C6orf118: variants seen among roughly 807,000 people sequenced by gnomAD.
C6orf118 encodes the protein chromosome 6 open reading frame 118.
C6orf118 carries 50 observed loss-of-function variants against 50.2 expected under a neutral mutation model. The ratio of observed to expected loss-of-function variants is 1.00; its 90% CI spans 0.79 to 1.26. The LOEUF (loss-of-function observed/expected upper bound fraction) is 1.26, where lower values mean the gene tolerates loss of function less well. C6orf118 is among the 50% of genes most tolerant of loss of function. The pLI is 0.00. For synonymous variants in C6orf118, 239 were observed against 230.9 expected, an observed-to-expected ratio of 1.03 and a Z score of -0.32; for missense variants, 641 against 578.7, an observed-to-expected ratio of 1.11 and a Z score of -1.10.
chr6:165,307,743 A>C (rs1780796309), intron 1 of C6orf118, among the ~76,000 whole-genome samples: 1 of 152,074 alleles, frequency 6.6e-6, no homozygotes, highest in Non-Finnish European at 1.5e-5. Context: ...TTCTGGAAAG[A>C]CTTCCAAGAA....
intron 7 of C6orf118, among the ~76,000 whole-genome samples, chr6:165,285,142 C>T (rs9459345): frequency 0.012 from 1,770 of 152,100 alleles, 34 homozygotes; most frequent in African/African-American, 0.041. Flanking sequence ...AAATGGAAAT[C>T]ATAAAAAGCA....
chr6:165,307,707 G>A (rs762371169), intron 1 of C6orf118, among the ~76,000 whole-genome samples: 2 of 151,960 alleles, frequency 1.3e-5, no homozygotes, highest in Non-Finnish European at 2.9e-5. Context: ...CTACCCTAAA[G>A]TCAGTGCACA....
intron 4 of C6orf118, 121 bp from the exon 5 acceptor site, chr6:165,298,222 AAATAGGTAAATTGGGAG>A (rs1780386251): frequency 1.6e-6 from 2 of 1,260,322 alleles, no homozygotes; most frequent in Non-Finnish European, 2.1e-6. Flanking sequence ...GTTCTAGTTA[AAATAGGTAAATTGGGAG>A]GATTTAAGGG....
At chr6:165,287,217 A>C (rs571690101) in intron 7 of C6orf118, among the ~76,000 whole-genome samples, 271 of 152,214 alleles carry the variant, frequency 1.8e-3, no homozygotes, top group Middle Eastern at 0.01. Flanking sequence ...GAATATAGCC[A>C]ACAAGAGAAG....
intron 7 of C6orf118, among the ~76,000 whole-genome samples, chr6:165,286,247 T>G (rs1779899521): frequency 6.6e-6 from 1 of 152,180 alleles, no homozygotes; most frequent in African/African-American, 2.4e-5. Context: ...AATCCCTGAA[T>G]AGACCAATAA....
intron 6 of C6orf118, among the ~76,000 whole-genome samples, chr6:165,292,466 G>T (rs1190240219): frequency 6.6e-6 from 1 of 152,148 alleles, no homozygotes; most frequent in East Asian, 1.9e-4. Context: ...ATTAATCTTT[G>T]CCATTTTTTT....
chr6:165,302,330 C>G, intron 1 of C6orf118, 34 bp from the exon 2 acceptor site: 2 of 1,592,818 alleles, frequency 1.3e-6, no homozygotes, highest in East Asian at 2.2e-5. Context: ...TCTTAGGGAT[C>G]GCTCTTAGTT....
chr6:165,296,256 T>C lies in C6orf118; in HGVS notation c.1061+1721A>G, dbSNP rs1006363370. 1.4e-4 allele frequency among the ~76,000 whole-genome samples: 8 copies of C among 56,942 alleles called. No individual in the cohort carries two copies. The South Asian group carries it at 5.8e-3, about 41-fold the overall frequency. The allele number at this position is 56,942 out of a possible 152,430, so 37.4% of individuals were successfully genotyped here. On this transcript the variant is annotated intron_variant, in intron 5 of 8. Coordinates refer to ENST00000230301, the MANE Select transcript of C6orf118 (RefSeq NM_144980.4). ...GTTGTTGTTTTCGTTTTTTGTTTTT[T>C]TTTTTTTTTTTTTTTTTTTTTGCCT...
At chr6:165,281,294 G>C (rs1410638037) in intron 8 of C6orf118, among the ~76,000 whole-genome samples, 1 of 152,190 alleles carries the variant, frequency 6.6e-6, no homozygotes, top group African/African-American at 2.4e-5. Flanking sequence ...AAAGTGTACA[G>C]ATTGAGGTCT....
chr6:165,301,838 C>T lies in C6orf118; in HGVS notation c.484G>A (p.Gly162Ser). The T allele has an allele frequency of 6.2e-7, 1 of 1,613,942 alleles. No individual in the cohort carries two copies. The highest frequency in any genetic ancestry group is 8.5e-7 in the Non-Finnish European group (1 of 1,180,024). The stretch of plus-strand genomic sequence containing the variant: ...CCAGGAGGGCCCCGTCCAGGAGGGC[C>T]TCCTTTCTTTTCTTCCTTCCCCTCT... Reference protein sequence around the residue: ...VREGKEEKKGGPPGRGPPGWR... With the variant: ...VREGKEEKKGSPPGRGPPGWR... The change falls in exon 2 of 9, where the codon GGC becomes AGC. Residue 162 changes from glycine (G) to serine (S), a missense_variant. Transcript: ENST00000230301.
Position 165,302,689 on chromosome 6 carries a change from G to A in C6orf118, c.26-393C>T, listed in dbSNP as rs549790725. ...TCTTCTTTAACGTATTTCACCGGCC[G>A]GGGAATTCAGAAAGGGTTTGGGGGG... On this transcript the variant is annotated intron_variant, in intron 1 of 8. Coordinates refer to ENST00000230301, the MANE Select transcript of C6orf118 (RefSeq NM_144980.4). Among the ~76,000 whole-genome samples the A allele has an allele frequency of 7.2e-5, 11 of 152,248 alleles. No homozygotes were observed. In the South Asian group the frequency reaches 1.5e-3, roughly 20 times the overall value.
rs1214608647 is a variant in C6orf118 at position 165,302,199 on chromosome 6, C to T, written c.123G>A (p.Leu41=). The T allele has an allele frequency of 1.2e-6, 2 of 1,612,672 alleles. No individual in the cohort carries two copies. Among genetic ancestry groups the T allele is most frequent in the Non-Finnish European group, 1.7e-6 (2 of 1,179,102 alleles). ...ETPGVKTLCN[L]KKLLNRLQKD... The stretch of plus-strand genomic sequence containing the variant: ...TCTGAAGCCGATTCAGAAGTTTCTT[C>T]AGATTACACAGGGTCTTCACTCCTG... The change falls in exon 2 of 9, where the codon CTG becomes CTA. Residue 41 remains leucine, a synonymous_variant. Coordinates refer to ENST00000230301, the MANE Select transcript of C6orf118 (RefSeq NM_144980.4).
chr6:165,306,474 TA>T (rs200571884), intron 1 of C6orf118, among the ~76,000 whole-genome samples: 23,155 of 100,094 alleles, frequency 0.23, 2,461 homozygotes, highest in African/African-American at 0.32. Flanking sequence ...TAGAGTATAA[TA>T]AAAAAAAATT....
At position 165,301,902 on chromosome 6, in the gene C6orf118, G is replaced by A; in HGVS notation, c.420C>T (p.His140=). 6.2e-7 allele frequency: 1 copy of A among 1,613,858 alleles called. No homozygotes were observed. Among genetic ancestry groups the A allele is most frequent in the Non-Finnish European group, 8.5e-7 (1 of 1,180,022 alleles). Residue 140 remains histidine (H), a synonymous_variant, in exon 2 of 9, where the codon CAC becomes CAT. Coordinates refer to ENST00000230301, the MANE Select transcript of C6orf118 (RefSeq NM_144980.4). Reference sequence around the variant, plus strand: ...CTGGAAGGAAATCCTCCTCTGAAGTGTGGGAAAGAGAGGCCTGGGGGTTCA... The same window carrying A: ...CTGGAAGGAAATCCTCCTCTGAAGTATGGGAAAGAGAGGCCTGGGGGTTCA... The part of the protein sequence containing the change: ...RYLNPQASLS[H]TSEEDFLPVE...
chr6:165,296,204 C>T (rs1780292175), intron 5 of C6orf118, among the ~76,000 whole-genome samples: 1 of 147,348 alleles, frequency 6.8e-6, no homozygotes. Flanking sequence ...GATGCATTTG[C>T]AATGAATTCA....
chr6:165,296,611 C>T (rs1225993975), intron 5 of C6orf118, among the ~76,000 whole-genome samples: 3 of 152,148 alleles, frequency 2.0e-5, no homozygotes, highest in Non-Finnish European at 4.4e-5. Flanking sequence ...CCATGGAAAA[C>T]CCGCTTGGGT....
At chr6:165,290,674 C>A (rs1478427151) in intron 6 of C6orf118, among the ~76,000 whole-genome samples, 2 of 152,116 alleles carry the variant, frequency 1.3e-5, no homozygotes, top group African/African-American at 2.4e-5. Context: ...GGCAGAGACA[C>A]AATCAGACAA....
rs56394079 is a variant in C6orf118 at position 165,296,250 on chromosome 6, G to GTTTTTTTTTTTTTTTTTTTTTTTTTT, written c.1061+1701_1061+1726dup. Reference sequence around the variant, plus strand: ...GTTGTTGTTGTTGTTTTCGTTTTTTGTTTTTTTTTTTTTTTTTTTTTTTTT... The same window carrying GTTTTTTTTTTTTTTTTTTTTTTTTTT: ...GTTGTTGTTGTTGTTTTCGTTTTTTGTTTTTTTTTTTTTTTTTTTTTTTTTTTTTTTTTTTTTTTTTTTTTTTTTTT... On this transcript the variant is annotated intron_variant, in intron 5 of 8. Transcript: ENST00000230301. Among the ~76,000 whole-genome samples the GTTTTTTTTTTTTTTTTTTTTTTTTTT allele has an allele frequency of 1.5e-4, 15 of 103,384 alleles. 1 individual carries two copies. Among genetic ancestry groups the GTTTTTTTTTTTTTTTTTTTTTTTTTT allele is most frequent in the African/African-American group, 1.9e-4 (6 of 30,834 alleles). 67.8% of individuals were successfully genotyped at this position (103,384 alleles called of 152,430 possible).
chr6:165,281,422 C>A, intron 8 of C6orf118: 1 of 1,060,670 alleles, frequency 9.4e-7, no homozygotes, highest in South Asian at 2.3e-5. Context: ...TTTTAAATAA[C>A]TGATCTTGAG....
Sources: allele counts gnomAD v4.1 joint callset (sites outside exome capture counted in the v4.1 genomes callset), GRCh38; gene constraint gnomAD v4.1.1; transcripts MANE v1.5; gene names NCBI Gene and HGNC (gene_info 2026-07-23, HGNC 2026-07-21).